PDSS2: variants seen among roughly 807,000 people sequenced by gnomAD.
PDSS2 encodes the protein all trans-polyprenyl-diphosphate synthase PDSS2.
In PDSS2, 31 loss-of-function variants were observed where a neutral mutation model predicts 44.5. That is an observed-to-expected ratio of 0.70 (90% CI 0.52 to 0.94). PDSS2 has a LOEUF of 0.94. Among genes scored for constraint, PDSS2 ranks in the 40% least tolerant of loss-of-function variants. The pLI, the probability that PDSS2 is intolerant of heterozygous loss-of-function variation, is 0.00. For synonymous variants in PDSS2, 157 were observed against 180.3 expected, an observed-to-expected ratio of 0.87 and a Z score of 1.03; for missense variants, 452 against 482.2, an observed-to-expected ratio of 0.94 and a Z score of 0.59.
intron 5 of PDSS2, among the ~76,000 whole-genome samples, chr6:107,211,085 G>C (rs1056712749): frequency 6.6e-6 from 1 of 151,416 alleles, no homozygotes; most frequent in Admixed American, 6.6e-5. Flanking sequence ...AGTGGGTGGT[G>C]GTCTTTATTT....
At chr6:107,252,789 T>C (rs1471205332) in intron 3 of PDSS2, among the ~76,000 whole-genome samples, 2 of 152,186 alleles carry the variant, frequency 1.3e-5, no homozygotes, top group African/African-American at 4.8e-5. Context: ...AAAGTTCTAT[T>C]TTTAAAATCG....
At chr6:107,453,671 C>T (rs1039112942) in intron 1 of PDSS2, among the ~76,000 whole-genome samples, 5 of 152,120 alleles carry the variant, frequency 3.3e-5, no homozygotes, top group Non-Finnish European at 7.4e-5. Flanking sequence ...CTTTCTTTTT[C>T]CAACATTTTA....
intron 7 of PDSS2, among the ~76,000 whole-genome samples, chr6:107,193,404 T>C (rs759018068): frequency 2.6e-5 from 4 of 152,190 alleles, no homozygotes; most frequent in Non-Finnish European, 4.4e-5. Context: ...TATTATCTGA[T>C]GGCCCTAAAG....
chr6:107,243,871 G>A (rs1299381993), intron 4 of PDSS2, among the ~76,000 whole-genome samples: 2 of 152,180 alleles, frequency 1.3e-5, no homozygotes, highest in Non-Finnish European at 2.9e-5. Flanking sequence ...GCTCACACCT[G>A]TAATCCCAGC....
At chr6:107,215,328 G>T (rs1223076854) in intron 4 of PDSS2, among the ~76,000 whole-genome samples, 1 of 152,090 alleles carries the variant, frequency 6.6e-6, no homozygotes, top group African/African-American at 2.4e-5. Flanking sequence ...GGAGTTCAAG[G>T]CTGCAGTGGG....
At chr6:107,441,530 G>GT (rs1307476667) in intron 1 of PDSS2, among the ~76,000 whole-genome samples, 1 of 152,230 alleles carries the variant, frequency 6.6e-6, no homozygotes, top group East Asian at 1.9e-4. Context: ...GTTGAAGAAT[G>GT]TAAGAATTAG....
intron 1 of PDSS2, among the ~76,000 whole-genome samples, chr6:107,433,615 A>C (rs550587813): frequency 6.6e-6 from 1 of 152,230 alleles, no homozygotes; most frequent in South Asian, 2.1e-4. Flanking sequence ...CACAAAAATC[A>C]AATTAAAATG....
At chr6:107,203,217 T>G (rs948480955) in intron 6 of PDSS2, among the ~76,000 whole-genome samples, 10 of 152,126 alleles carry the variant, frequency 6.6e-5, no homozygotes, top group African/African-American at 2.4e-4. Flanking sequence ...TCTTTCCACT[T>G]AACTTTCCTA....
intron 6 of PDSS2, among the ~76,000 whole-genome samples, chr6:107,206,335 G>A (rs1394886110): frequency 6.6e-6 from 1 of 152,176 alleles, no homozygotes; most frequent in Non-Finnish European, 1.5e-5. Context: ...GCCTCCCAAA[G>A]TGCTGGGATT....
chr6:107,434,677 T>G (rs573926129), intron 1 of PDSS2, among the ~76,000 whole-genome samples: 1 of 152,124 alleles, frequency 6.6e-6, no homozygotes, highest in South Asian at 2.1e-4. Flanking sequence ...AATCTAGTAT[T>G]TGATAGCACA....
At chr6:107,245,442 A>T in intron 4 of PDSS2, 106 bp downstream of exon 4, 1 of 462,228 alleles carries the variant, frequency 2.2e-6, no homozygotes, top group Non-Finnish European at 3.9e-6. Context: ...AAAAAAAAAA[A>T]AAAGCCATGT....
rs113189874 is a variant in PDSS2 at position 107,332,466 on chromosome 6, A to G, written c.431+1732T>C. Among the ~76,000 whole-genome samples, 350 of 152,322 alleles carry G rather than the reference A, an allele frequency of 2.3e-3. 5 individuals are homozygous for G. The highest frequency in any genetic ancestry group is 8.2e-3 in the African/African-American group (343 of 41,578). On this transcript the variant is annotated intron_variant, in intron 2 of 7. Transcript: ENST00000369037. ...TTTTGGGAAAGGATGTAGATGTACT[A>G]AAGATGTGCCAAAGAGTTTTCCATT...
intron 2 of PDSS2, among the ~76,000 whole-genome samples, chr6:107,328,546 G>C (rs1279768513): frequency 1.3e-5 from 2 of 152,080 alleles, no homozygotes; most frequent in East Asian, 3.9e-4. Flanking sequence ...AAAGTGCTGG[G>C]TTTACAGGTG....
chr6:107,264,873 C>A (rs1269389599), intron 3 of PDSS2, among the ~76,000 whole-genome samples: 1 of 152,138 alleles, frequency 6.6e-6, no homozygotes, highest in Admixed American at 6.5e-5. Context: ...CAATATAGAG[C>A]AACTTATCCC....
intron 1 of PDSS2, among the ~76,000 whole-genome samples, chr6:107,358,991 C>T (rs1014675991): frequency 1.4e-5 from 2 of 142,452 alleles, no homozygotes; most frequent in Non-Finnish European, 3.0e-5. Context: ...AAATCAGGAG[C>T]TTTAGCATTC....
At chr6:107,431,124 T>C (rs562460043) in intron 1 of PDSS2, among the ~76,000 whole-genome samples, 1 of 152,338 alleles carries the variant, frequency 6.6e-6, no homozygotes, top group African/African-American at 2.4e-5. Flanking sequence ...AAGTTCTGAG[T>C]AGTTAACTTG....
chr6:107,355,305 TG>T (rs1215940350), intron 1 of PDSS2, among the ~76,000 whole-genome samples: 2 of 152,118 alleles, frequency 1.3e-5, no homozygotes, highest in Admixed American at 6.5e-5. Context: ...ATACAGAAAA[TG>T]GGTATGCATA....
At chr6:107,334,918 G>A (rs1051191061) in intron 1 of PDSS2, among the ~76,000 whole-genome samples, 3 of 151,854 alleles carry the variant, frequency 2.0e-5, no homozygotes, top group Non-Finnish European at 4.4e-5. Flanking sequence ...GTGCTTTGGG[G>A]GGCCAAGGTG....
At chr6:107,266,927 C>T (rs1363714462) in intron 3 of PDSS2, among the ~76,000 whole-genome samples, 1 of 152,008 alleles carries the variant, frequency 6.6e-6, no homozygotes, top group African/African-American at 2.4e-5. Flanking sequence ...TGAAAAAAAG[C>T]ATGTGTGACT....
Sources: allele counts gnomAD v4.1 joint callset (sites outside exome capture counted in the v4.1 genomes callset), GRCh38; gene constraint gnomAD v4.1.1; transcripts MANE v1.5; gene names NCBI Gene and HGNC (gene_info 2026-07-23, HGNC 2026-07-21).